TSPEAR: variants seen among roughly 807,000 people sequenced by gnomAD.
The protein encoded by TSPEAR is thrombospondin type laminin G domain and EAR repeats.
In TSPEAR, 69 loss-of-function variants were observed where a neutral mutation model predicts 71.6. The ratio of observed to expected loss-of-function variants is 0.96; its 90% CI spans 0.79 to 1.18. The LOEUF is 1.18. TSPEAR is among the 50% of genes most tolerant of loss of function. TSPEAR has a pLI of 0.00. For missense variants in TSPEAR, 971 were observed against 894.9 expected, an observed-to-expected ratio of 1.09 and a Z score of -1.09; for synonymous variants, 402 against 387.2, an observed-to-expected ratio of 1.04 and a Z score of -0.45.
intron 1 of TSPEAR, among the ~76,000 whole-genome samples, chr21:44,604,441 G>A (rs1241996966): frequency 2.6e-5 from 4 of 151,960 alleles, no homozygotes; most frequent in Non-Finnish European, 5.9e-5. Flanking sequence ...ACCTACCATC[G>A]AGACACCATG....
At chr21:44,707,303 G>GGGGA (rs1555952605) in intron 1 of TSPEAR, among the ~76,000 whole-genome samples, 1 of 22,002 alleles carries the variant, frequency 4.5e-5, no homozygotes, top group Non-Finnish European at 1.4e-4. Context: ...GACGCGGGGT[G>GGGGA]GGGGGGGGTG....
Position 44,498,188 on chromosome 21 carries a change from G to C in TSPEAR, c.*1595C>G, listed in dbSNP as rs1399002135. 2 of 152,280 alleles carry C rather than the reference G, an allele frequency of 1.3e-5. No homozygotes were observed. Among genetic ancestry groups the C allele is most frequent in the Non-Finnish European group, 2.9e-5 (2 of 68,062 alleles). 9.4% of individuals were successfully genotyped at this position (152,280 alleles called of 1,614,324 possible). A position where few individuals can be genotyped will look rare whatever the true frequency, so the allele number is the denominator to read the frequency against. On this transcript the variant is annotated 3_prime_UTR_variant, in exon 12 of 12. Coordinates refer to ENST00000323084, the MANE Select transcript of TSPEAR (RefSeq NM_144991.3). Reference sequence around the variant, plus strand: ...GATGCTGACCCTCTCATCTGCAGCTGTCTGCTTAGGGCAAAGGGAAAGGCA... The same window carrying C: ...GATGCTGACCCTCTCATCTGCAGCTCTCTGCTTAGGGCAAAGGGAAAGGCA...
rs1399242140 is a variant in TSPEAR at position 44,695,797 on chromosome 21, C to T, written c.82+15636G>A. Among the ~76,000 whole-genome samples the T allele has an allele frequency of 5.9e-5, 9 of 152,104 alleles. No individual in the cohort carries two copies. Among genetic ancestry groups the T allele is most frequent in the East Asian group, 1.9e-4 (1 of 5,186 alleles). On this transcript the variant is annotated intron_variant, in intron 1 of 11. Transcript: ENST00000323084. The surrounding 1 kb of genome is among the most constrained non-coding windows in gnomAD (Gnocchi z 4.5). Reference sequence around the variant, plus strand: ...TCTCATCACAGGGTAATGTTTACAACGCAGAGACCAGCAGACACCACACAC... The same window carrying T: ...TCTCATCACAGGGTAATGTTTACAATGCAGAGACCAGCAGACACCACACAC...
At position 44,499,686 on chromosome 21, in the gene TSPEAR, C is replaced by A; in HGVS notation, c.*97G>T. 7.4e-7 allele frequency: 1 copy of A among 1,353,836 alleles called. No individual in the cohort carries two copies. Among genetic ancestry groups the A allele is most frequent in the South Asian group, 1.5e-5 (1 of 67,240 alleles). 83.9% of individuals were successfully genotyped at this position (1,353,836 alleles called of 1,614,324 possible). On this transcript the variant is annotated 3_prime_UTR_variant, in exon 12 of 12. Transcript: ENST00000323084. Reference sequence around the variant, plus strand: ...GCCTGATGCCCAGGCCCGGGATGCCCTAGGCTGGGCCCACCTGGACGTCCA... The same window carrying A: ...GCCTGATGCCCAGGCCCGGGATGCCATAGGCTGGGCCCACCTGGACGTCCA...
intron 11 of TSPEAR, among the ~76,000 whole-genome samples, chr21:44,503,597 A>AG (rs35932129): frequency 1.5e-5 from 1 of 66,116 alleles, no homozygotes; most frequent in South Asian, 5.6e-4. Context: ...GTGAGCCCTC[A>AG]GGGGGAAGCA....
intron 2 of TSPEAR, among the ~76,000 whole-genome samples, chr21:44,555,769 AG>A (rs2053517934): frequency 6.6e-6 from 1 of 152,176 alleles, no homozygotes; most frequent in African/African-American, 2.4e-5. Context: ...GACCCAGGAC[AG>A]AGAGGTCTGG....
chr21:44,513,738 GA>G (rs1354947405), intron 9 of TSPEAR, among the ~76,000 whole-genome samples: 2 of 152,212 alleles, frequency 1.3e-5, no homozygotes, highest in African/African-American at 4.8e-5. Context: ...GGCAAAGAAA[GA>G]GGATGCCTCT....
At chr21:44,700,903 C>T (rs936420128) in intron 1 of TSPEAR, among the ~76,000 whole-genome samples, 20 of 152,244 alleles carry the variant, frequency 1.3e-4, no homozygotes, top group Non-Finnish European at 2.4e-4. Context: ...AAAAGGAAAC[C>T]GCAGCCCATA....
intron 1 of TSPEAR, among the ~76,000 whole-genome samples, chr21:44,670,263 G>T (rs1488859548): frequency 3.3e-5 from 5 of 152,146 alleles, no homozygotes; most frequent in Admixed American, 2.6e-4. Flanking sequence ...AGGTGGGGGG[G>T]TTGTTATAAT....
intron 8 of TSPEAR, among the ~76,000 whole-genome samples, chr21:44,525,138 TCAGA>T (rs1293298141): frequency 3.3e-4 from 50 of 151,696 alleles, no homozygotes; most frequent in African/African-American, 7.0e-4. Context: ...AGGTAGTCAG[TCAGA>T]CAGTCAGGTA....
intron 1 of TSPEAR, among the ~76,000 whole-genome samples, chr21:44,628,671 T>C (rs1257808962): frequency 1.8e-4 from 26 of 148,384 alleles, no homozygotes; most frequent in Non-Finnish European, 1.9e-4. Flanking sequence ...CTCCTTCCCA[T>C]GGCAAGGGTT....
chr21:44,631,216 T>G (rs1412405386), intron 1 of TSPEAR, among the ~76,000 whole-genome samples: 3 of 151,904 alleles, frequency 2.0e-5, no homozygotes, highest in Non-Finnish European at 2.9e-5. Context: ...AAAGAGAAAC[T>G]AAGAAAACAA....
chr21:44,587,141 CAA>C (rs1447551429), intron 1 of TSPEAR, among the ~76,000 whole-genome samples: 22 of 152,256 alleles, frequency 1.4e-4, no homozygotes, highest in Non-Finnish European at 8.8e-5. Flanking sequence ...TAGAAAACCC[CAA>C]AGATTCCTAC....
At chr21:44,637,754 G>A in intron 1 of TSPEAR, 3 of 1,336,832 alleles carry the variant, frequency 2.2e-6, no homozygotes, top group South Asian at 2.7e-5. Context: ...TAACAAGCCT[G>A]TGTGCTTCGT....
chr21:44,625,093 T>C (rs1450135928), intron 1 of TSPEAR, among the ~76,000 whole-genome samples: 1 of 152,198 alleles, frequency 6.6e-6, no homozygotes, highest in Non-Finnish European at 1.5e-5. Context: ...AAAATTACTC[T>C]TCGATAATTT....
intron 2 of TSPEAR, chr21:44,558,130 A>G: frequency 2.5e-6 from 4 of 1,612,908 alleles, no homozygotes; most frequent in Non-Finnish European, 3.4e-6. Flanking sequence ...CAGAGGAGGG[A>G]CACGCAGGAG....
chr21:44,527,532 C>T lies in TSPEAR; in HGVS notation c.923-14G>A, dbSNP rs782105654. 11 of 1,611,724 alleles carry T rather than the reference C, an allele frequency of 6.8e-6. No individual in the cohort carries two copies. The highest frequency in any genetic ancestry group is 9.3e-6 in the Non-Finnish European group (11 of 1,177,918). On this transcript the variant is annotated splice_polypyrimidine_tract_variant and intron_variant, in intron 6 of 11. Transcript: ENST00000323084. ...GTCTTTCTTTGGCTTGTGATAGAAA[C>T]GTTGTGACTCGGTTAAGATTTCCGA...
At chr21:44,568,097 A>G in intron 1 of TSPEAR, 92 bp from the exon 2 acceptor site, 1 of 986,110 alleles carries the variant, frequency 1.0e-6, no homozygotes, top group East Asian at 2.8e-5. Flanking sequence ...TCAGCGTGGC[A>G]GGCACTTTAC....
intron 9 of TSPEAR, chr21:44,518,844 G>A (rs1342336535): frequency 1.1e-5 from 4 of 377,580 alleles, no homozygotes; most frequent in Admixed American, 3.2e-5. Flanking sequence ...GCATGTGTGA[G>A]CCTGGGGCCA....
Sources: gnomAD v4.1 joint callset for allele counts (sites outside exome capture counted in the v4.1 genomes callset) on GRCh38, gnomAD v4.1.1 for gene constraint, Gnocchi (gnomAD v3.1) non-coding constraint, MANE v1.5 for transcripts, NCBI Gene and HGNC (gene_info 2026-07-23, HGNC 2026-07-21) for gene names.